The following TGM2 variants were observed in gnomAD, a reference collection of about 807,000 sequenced individuals.
The protein encoded by TGM2 is protein-glutamine gamma-glutamyltransferase 2.
Under a neutral mutation model 75.6 loss-of-function variants are expected in TGM2, and 53 were observed. The observed-to-expected ratio is 0.70, with a 90% CI of 0.56 to 0.88. The LOEUF (loss-of-function observed/expected upper bound fraction) is 0.88. Among genes scored for constraint, TGM2 ranks in the 40% least tolerant of loss-of-function variants. The probability of loss-of-function intolerance (pLI) is 0.00; values close to 1 mark genes in which losing one functional copy is unlikely to be tolerated. For synonymous variants in TGM2, 374 were observed against 381.1 expected (o/e 0.98, Z 0.22); for missense variants, 842 against 928.5 (o/e 0.91, Z 1.21).
In TGM2 at chr20:38,131,075, A is replaced by G. The variant is rs2074823622; in HGVS notation, c.1913+18T>C. 1.2e-6 allele frequency: 2 copies of G among 1,610,836 alleles called. No individual in the cohort carries two copies. The highest frequency in any genetic ancestry group is 1.3e-5 in the African/African-American group (1 of 74,870). On this transcript the variant is annotated intron_variant, in intron 12 of 12. Transcript: ENST00000361475. ...CCCGCTTCCCCCAGGCCCCAAAGCT[A>G]GAGCAGCCAGCACTTACATCTCCAC...
chr20:38,136,745 G>T (rs1304027889), intron 10 of TGM2, among the ~76,000 whole-genome samples: 1 of 152,242 alleles, frequency 6.6e-6, no homozygotes, highest in Non-Finnish European at 1.5e-5. Context: ...GGCAGAAAGT[G>T]GGATGGGGCT....
intron 2 of TGM2, among the ~76,000 whole-genome samples, 188 bp downstream of exon 2, chr20:38,161,232 A>G (rs2075248048): frequency 6.6e-6 from 1 of 152,054 alleles, no homozygotes. Flanking sequence ...CTGCCATGAC[A>G]TCTCCTTCCT....
intron 2 of TGM2, 120 bp from the exon 3 acceptor site, chr20:38,156,209 A>C (rs1477038039): frequency 7.8e-7 from 1 of 1,289,582 alleles, no homozygotes. Flanking sequence ...CACTGAAATA[A>C]GTTTGGCAAG....
intron 2 of TGM2, among the ~76,000 whole-genome samples, chr20:38,160,133 T>A (rs2075236610): frequency 6.6e-6 from 1 of 152,220 alleles, no homozygotes; most frequent in South Asian, 2.1e-4. Context: ...GAGGCTAGGC[T>A]GCAGTCCCCA....
intron 6 of TGM2, among the ~76,000 whole-genome samples, chr20:38,143,598 G>A (rs967517358): frequency 2.6e-5 from 4 of 152,148 alleles, no homozygotes; most frequent in African/African-American, 9.7e-5. Context: ...GGAAAATCCC[G>A]GTGTGGATCT....
chr20:38,147,911 G>A (rs755615333), intron 5 of TGM2, 50 bp downstream of exon 5: 85 of 1,580,532 alleles, frequency 5.4e-5, no homozygotes, highest in South Asian at 3.4e-4. Flanking sequence ...AGAGGCCTGC[G>A]GGAGCCCCCT....
At chr20:38,140,777 T>A (rs2074962264) in intron 8 of TGM2, among the ~76,000 whole-genome samples, 1 of 152,270 alleles carries the variant, frequency 6.6e-6, no homozygotes, top group Non-Finnish European at 1.5e-5. Context: ...TGTATTTTAA[T>A]GTAATTGGTT....
rs768127955 is a variant in TGM2 at position 38,155,983 on chromosome 20, G to A, written c.297C>T (p.Thr99=). 1.9e-5 allele frequency: 30 copies of A among 1,613,610 alleles called. No homozygotes were observed. In the South Asian group the frequency reaches 3.0e-4, roughly 16 times the overall value. The change falls in exon 3 of 13, where the codon ACC becomes ACT. Residue 99 remains threonine, a synonymous_variant. Transcript: ENST00000361475. ...CCGGGGTGGTGAGCTGCAGCGAGAGGGTGCAGTCTTGCTGGTCCACCACGG... is the reference window on the plus strand; with the variant it reads ...CCGGGGTGGTGAGCTGCAGCGAGAGAGTGCAGTCTTGCTGGTCCACCACGG... The part of the protein sequence containing the change: ...TATVVDQQDC[T]LSLQLTTPAN...
In TGM2 at chr20:38,147,837, T is replaced by C. The variant is rs561410153; in HGVS notation, c.681+124A>G. 3 of 1,399,330 alleles carry C rather than the reference T, an allele frequency of 2.1e-6. No individual in the cohort carries two copies. In the East Asian group the frequency reaches 7.5e-5, roughly 35 times the overall value. The allele number at this position is 1,399,330 out of a possible 1,614,324, so 86.7% of individuals were successfully genotyped here. On this transcript the variant is annotated intron_variant, in intron 5 of 12. Coordinates refer to ENST00000361475, the MANE Select transcript of TGM2 (RefSeq NM_004613.4). ...CTTATCTTTCCAATATAAGGTCTTT[T>C]CCCCAAGACTTACCCATCTCCCGGG...
chr20:38,141,516 C>T, intron 7 of TGM2, 131 bp from the exon 8 acceptor site: 2 of 740,620 alleles, frequency 2.7e-6, no homozygotes, highest in Non-Finnish European at 4.7e-6. Flanking sequence ...CAGGGTGTCT[C>T]CCCACTGCCT....
chr20:38,158,053 C>T (rs1481439632), intron 2 of TGM2, among the ~76,000 whole-genome samples: 3 of 152,116 alleles, frequency 2.0e-5, no homozygotes, highest in Admixed American at 2.0e-4. Context: ...GCCTGTGGTC[C>T]CATCATAATT....
chr20:38,160,640 A>T (rs2075241881), intron 2 of TGM2, among the ~76,000 whole-genome samples: 1 of 152,130 alleles, frequency 6.6e-6, no homozygotes, highest in Non-Finnish European at 1.5e-5. Context: ...AGATTGAGGC[A>T]GCCTCCTAAT....
chr20:38,146,676 C>T (rs1253402308), intron 6 of TGM2, 41 bp downstream of exon 6: 9 of 1,611,364 alleles, frequency 5.6e-6, no homozygotes, highest in Non-Finnish European at 6.8e-6. Context: ...CTTCGTGCCC[C>T]CTCCCAGGGC....
Position 38,129,985 on chromosome 20 carries a change from G to A in TGM2, c.*234C>T. The A allele has an allele frequency of 1.7e-6, 1 of 592,458 alleles. No homozygotes were observed. The highest frequency in any genetic ancestry group is 2.1e-5 in the South Asian group (1 of 48,004). The allele number at this position is 592,458 out of a possible 1,614,324, so 36.7% of individuals were successfully genotyped here. A position where few individuals can be genotyped will look rare whatever the true frequency, so the allele number is the denominator to read the frequency against. On this transcript the variant is annotated 3_prime_UTR_variant, in exon 13 of 13. Coordinates refer to ENST00000361475, the MANE Select transcript of TGM2 (RefSeq NM_004613.4). The stretch of plus-strand genomic sequence containing the variant: ...CCCAGCCCCAGTCAGCCAAGGTCAG[G>A]GCTCCCACTGTTTCTGGCACAGAGC...
At chr20:38,135,804 G>A (rs533116870) in intron 10 of TGM2, among the ~76,000 whole-genome samples, 9 of 152,224 alleles carry the variant, frequency 5.9e-5, no homozygotes, top group Non-Finnish European at 1.2e-4. Context: ...CTTAGCACTC[G>A]CACTCAGGGA....
intron 6 of TGM2, 153 bp downstream of exon 6, chr20:38,146,564 C>G: frequency 1.2e-6 from 1 of 866,842 alleles, no homozygotes; most frequent in Non-Finnish European, 1.9e-6. Context: ...GATAAAGGAC[C>G]GGAGAGGGTG....
chr20:38,135,146 G>A (rs983045569), intron 10 of TGM2, among the ~76,000 whole-genome samples: 1 of 152,214 alleles, frequency 6.6e-6, no homozygotes, highest in African/African-American at 2.4e-5. Context: ...GGTCCCGATG[G>A]TGACTTAGAG....
At chr20:38,167,669 C>A (rs560101497), upstream of TGM2, among the ~76,000 whole-genome samples, 4 of 152,174 alleles carry the variant, frequency 2.6e-5, no homozygotes, top group African/African-American at 9.7e-5. Context: ...TTCTTGACCA[C>A]AGTGTCCAGC....
intron 3 of TGM2, among the ~76,000 whole-genome samples, chr20:38,152,853 C>G (rs1281064244): frequency 6.6e-6 from 1 of 152,238 alleles, no homozygotes; most frequent in Admixed American, 6.5e-5. Flanking sequence ...CAACCCGCCG[C>G]CGGGTGAGGC....
Sources: allele counts gnomAD v4.1 joint callset (sites outside exome capture counted in the v4.1 genomes callset), GRCh38; gene constraint gnomAD v4.1.1; transcripts MANE v1.5; gene names NCBI Gene and HGNC (gene_info 2026-07-23, HGNC 2026-07-21).